Variants in CRACR2A observed in about 807,000 individuals in gnomAD.
CRACR2A encodes calcium release activated channel regulator 2A, also known as EF-hand calcium-binding domain-containing protein 4B.
CRACR2A carries 79 observed loss-of-function variants against 90.5 expected under a neutral mutation model. The observed-to-expected ratio is 0.87, with a 90% CI of 0.73 to 1.05. The LOEUF (loss-of-function observed/expected upper bound fraction) is 1.05, where lower values mean the gene tolerates loss of function less well. CRACR2A is among the 50% of genes least tolerant of loss of function. The pLI is 0.00. For missense variants in CRACR2A, 823 were observed against 897.2 expected, an observed-to-expected ratio of 0.92 and a Z score of 1.06; for synonymous variants, 338 against 356.7, an observed-to-expected ratio of 0.95 and a Z score of 0.59.
At chr12:3,621,042 G>C (rs1280355751) in intron 17 of CRACR2A, among the ~76,000 whole-genome samples, 1 of 152,244 alleles carries the variant, frequency 6.6e-6, no homozygotes, top group Admixed American at 6.5e-5. Flanking sequence ...GGGAAGAAAG[G>C]AGGAGGAAGC....
chr12:3,722,140 C>T (rs1272829028), intron 2 of CRACR2A, among the ~76,000 whole-genome samples: 1 of 152,162 alleles, frequency 6.6e-6, no homozygotes, highest in Admixed American at 6.5e-5. Context: ...ATTCTGTAAC[C>T]ATACTACCCA....
rs543279190 is a variant in CRACR2A at position 3,686,582 on chromosome 12, T to C, written c.229-6233A>G. On this transcript the variant is annotated intron_variant, in intron 4 of 19. Coordinates refer to ENST00000440314, the MANE Select transcript of CRACR2A (RefSeq NM_001144958.2). ...AGATCTCCTGCCCATCCTCTCTCCCTCTCCCTCTCCCAGCTGATGGAGTCT... is the reference window on the plus strand; with the variant it reads ...AGATCTCCTGCCCATCCTCTCTCCCCCTCCCTCTCCCAGCTGATGGAGTCT... Among the ~76,000 whole-genome samples the C allele has an allele frequency of 2.0e-5, 3 of 152,246 alleles. No homozygotes were observed. The East Asian group carries it at 5.8e-4, about 29-fold the overall frequency.
At chr12:3,702,998 T>C (rs551346148) in intron 3 of CRACR2A, among the ~76,000 whole-genome samples, 6 of 152,350 alleles carry the variant, frequency 3.9e-5, no homozygotes, top group African/African-American at 1.4e-4. Flanking sequence ...TGTATATAAA[T>C]GATTTTTTGG....
intron 9 of CRACR2A, among the ~76,000 whole-genome samples, chr12:3,655,717 G>A (rs1463769895): frequency 6.6e-6 from 1 of 152,216 alleles, no homozygotes; most frequent in Non-Finnish European, 1.5e-5. Flanking sequence ...CTGCCCTGCA[G>A]AGGGCACCAC....
intron 12 of CRACR2A, among the ~76,000 whole-genome samples, chr12:3,643,860 A>G (rs1944628115): frequency 2.1e-5 from 1 of 47,444 alleles, no homozygotes; most frequent in Non-Finnish European, 3.7e-5. Flanking sequence ...ATATATTTAT[A>G]TTATATATAT....
intron 2 of CRACR2A, chr12:3,731,961 G>A (rs906294925): frequency 4.6e-5 from 7 of 152,236 alleles, no homozygotes; most frequent in African/African-American, 1.2e-4. Context: ...TACCTTGGTT[G>A]CAGACCTCTC....
intron 18 of CRACR2A, 58 bp downstream of exon 18, chr12:3,619,213 G>T: frequency 7.0e-7 from 1 of 1,433,886 alleles, no homozygotes; most frequent in Non-Finnish European, 9.6e-7. Context: ...TTGGGCACTT[G>T]CCCAACTTCC....
intron 8 of CRACR2A, among the ~76,000 whole-genome samples, chr12:3,658,965 G>A (rs577113669): frequency 5.4e-4 from 82 of 152,306 alleles, no homozygotes; most frequent in Non-Finnish European, 1.1e-3. Flanking sequence ...ACCAGGAAGA[G>A]GGAAGGGAGT....
chr12:3,682,837 G>C (rs887089154), intron 4 of CRACR2A, among the ~76,000 whole-genome samples: 1 of 150,996 alleles, frequency 6.6e-6, no homozygotes, highest in African/African-American at 2.4e-5. Flanking sequence ...TCACCCAGCA[G>C]AGTAATGTGA....
At chr12:3,675,407 C>A (rs1945318918) in intron 6 of CRACR2A, among the ~76,000 whole-genome samples, 1 of 152,028 alleles carries the variant, frequency 6.6e-6, no homozygotes, top group Non-Finnish European at 1.5e-5. Context: ...TAAATCCTAA[C>A]CCCCAACATG....
intron 7 of CRACR2A, among the ~76,000 whole-genome samples, chr12:3,660,629 G>C (rs1945012098): frequency 1.3e-5 from 2 of 152,072 alleles, no homozygotes; most frequent in South Asian, 4.2e-4. Context: ...TCTGGTAGTA[G>C]CATTGGAACT....
intron 9 of CRACR2A, 137 bp downstream of exon 9, chr12:3,656,174 C>T (rs1944902902): frequency 2.7e-6 from 2 of 737,574 alleles, no homozygotes; most frequent in South Asian, 3.4e-5. Flanking sequence ...TAAATGCTAT[C>T]TTTTGCGCGA....
chr12:3,706,058 T>C (rs1018131526), intron 3 of CRACR2A, among the ~76,000 whole-genome samples: 1 of 152,238 alleles, frequency 6.6e-6, no homozygotes, highest in Non-Finnish European at 1.5e-5. Flanking sequence ...TAGTAGCTGA[T>C]ACCTCTTTAG....
chr12:3,709,472 T>G (rs772022210), intron 3 of CRACR2A, among the ~76,000 whole-genome samples: 5 of 152,234 alleles, frequency 3.3e-5, no homozygotes, highest in Non-Finnish European at 7.4e-5. Flanking sequence ...TAAGTCTGCC[T>G]GACTCTTTAC....
intron 17 of CRACR2A, among the ~76,000 whole-genome samples, chr12:3,620,206 C>T (rs926974776): frequency 6.6e-6 from 1 of 152,256 alleles, no homozygotes; most frequent in Non-Finnish European, 1.5e-5. Flanking sequence ...GGGCCCGGGA[C>T]CACCGACTGC....
At chr12:3,657,053 A>G (rs761763976) in intron 8 of CRACR2A, among the ~76,000 whole-genome samples, 20 of 152,138 alleles carry the variant, frequency 1.3e-4, no homozygotes, top group Non-Finnish European at 2.5e-4. Context: ...GGGCCTGGCT[A>G]TGGGACGAGG....
chr12:3,725,394 C>T (rs1170917580), intron 2 of CRACR2A, among the ~76,000 whole-genome samples: 7 of 152,172 alleles, frequency 4.6e-5, no homozygotes, highest in Admixed American at 3.9e-4. Context: ...TGGCTTGAGG[C>T]TATATCACTC....
Position 3,659,656 on chromosome 12 carries a change from T to C in CRACR2A, c.672-2A>G, listed in dbSNP as rs1325562926. On this transcript the variant is annotated splice_acceptor_variant, in intron 7 of 19. Coordinates refer to ENST00000440314, the MANE Select transcript of CRACR2A (RefSeq NM_001144958.2). LOFTEE classifies it high-confidence loss of function. ...TCTTCATCATAAGCAGCAATTTTCCTACAGAGGTGGCAAAAGGAGAGTCTC... is the reference window on the plus strand; with the variant it reads ...TCTTCATCATAAGCAGCAATTTTCCCACAGAGGTGGCAAAAGGAGAGTCTC... 2 of 1,613,832 alleles carry C rather than the reference T, an allele frequency of 1.2e-6. No homozygotes were observed. Among genetic ancestry groups the C allele is most frequent in the Non-Finnish European group, 1.7e-6 (2 of 1,179,810 alleles).
At chr12:3,658,307 G>A (rs893289649) in intron 8 of CRACR2A, among the ~76,000 whole-genome samples, 1 of 152,122 alleles carries the variant, frequency 6.6e-6, no homozygotes. Flanking sequence ...CCAGGCAGAG[G>A]GGACAAGATG....
Sources: gnomAD v4.1 joint callset for allele counts (sites outside exome capture counted in the v4.1 genomes callset) on GRCh38, gnomAD v4.1.1 for gene constraint, MANE v1.5 for transcripts, NCBI Gene and HGNC (gene_info 2026-07-23, HGNC 2026-07-21) for gene names.